KDM2B: variants seen among roughly 807,000 people sequenced by gnomAD.
KDM2B encodes the protein lysine-specific demethylase 2B.
A neutral mutation model predicts 150.0 loss-of-function variants in KDM2B; 26 were observed. The ratio of observed to expected loss-of-function variants is 0.17; its 90% CI spans 0.13 to 0.24. KDM2B has a LOEUF of 0.24. KDM2B is among the 10% of genes least tolerant of loss of function. The pLI, the probability that KDM2B is intolerant of heterozygous loss-of-function variation, is 1.00. For synonymous variants in KDM2B, 734 were observed against 729.5 expected, an observed-to-expected ratio of 1.01 and a Z score of -0.10; for missense variants, 1,265 against 1,816.9, an observed-to-expected ratio of 0.70 and a Z score of 5.52.
At chr12:121,410,839 A>C in the KDM2B span, among the ~76,000 whole-genome samples, 1 of 152,302 alleles carries the variant, frequency 6.6e-6, no homozygotes, top group South Asian at 2.1e-4. Context: ...TTCCTGTAGT[A>C]TTTGGCTGAC....
At chr12:121,508,916 A>G (rs1002555819) in intron 11 of KDM2B, among the ~76,000 whole-genome samples, 3 of 152,168 alleles carry the variant, frequency 2.0e-5, no homozygotes, top group African/African-American at 7.2e-5. Flanking sequence ...GCTTCCTGAC[A>G]AGGCTGGAGG....
At chr12:121,535,295 A>AG (rs1458350828) in intron 6 of KDM2B, among the ~76,000 whole-genome samples, 6 of 152,054 alleles carry the variant, frequency 3.9e-5, no homozygotes, top group African/African-American at 1.2e-4. Context: ...TAGAAAAGTA[A>AG]GGGGGGGTTC....
intron 12 of KDM2B, among the ~76,000 whole-genome samples, chr12:121,454,916 C>G (rs1392953204): frequency 6.6e-6 from 1 of 152,170 alleles, no homozygotes; most frequent in African/African-American, 2.4e-5. Context: ...ACACAACTCC[C>G]TGCACCCTAG....
At chr12:121,491,515 G>A (rs1039326261) in intron 12 of KDM2B, among the ~76,000 whole-genome samples, 7 of 151,878 alleles carry the variant, frequency 4.6e-5, no homozygotes, top group African/African-American at 1.2e-4. Context: ...ATTTATGACC[G>A]GGCATGGTGG....
chr12:121,551,796 G>T (rs1327096390), intron 4 of KDM2B, among the ~76,000 whole-genome samples: 1 of 151,620 alleles, frequency 6.6e-6, no homozygotes, highest in African/African-American at 2.4e-5. Flanking sequence ...CAAGTGATCC[G>T]CCCGCCTCAG....
chr12:121,527,924 T>A (rs1195901170), intron 8 of KDM2B, among the ~76,000 whole-genome samples: 1 of 152,214 alleles, frequency 6.6e-6, no homozygotes, highest in Non-Finnish European at 1.5e-5. Context: ...ATAGGCCAGG[T>A]TGAGTTGGAG....
rs137936815 is a variant in KDM2B, at chr12:121,468,517, A to C, written c.1735-15173T>G. The C allele has an allele frequency of 3.3e-5, 5 of 152,372 alleles. No homozygotes were observed. The South Asian group carries it at 8.3e-4, about 25-fold the overall frequency. The allele number at this position is 152,372 out of a possible 1,614,324, so 9.4% of individuals were successfully genotyped here. A position where few individuals can be genotyped will look rare whatever the true frequency, so the allele number is the denominator to read the frequency against. The stretch of plus-strand genomic sequence containing the variant: ...CTGTACCTGTTCAGTTTCTCCATCT[A>C]TACAAGGGGAAGGATTTACCAAGGG... On this transcript the variant is annotated intron_variant, in intron 12 of 22. Coordinates refer to ENST00000377071, the MANE Select transcript of KDM2B (RefSeq NM_032590.5). The surrounding 1 kb of genome is among the most constrained non-coding windows in gnomAD (Gnocchi z 4.0).
At chr12:121,497,868 C>T (rs1329050524) in intron 11 of KDM2B, among the ~76,000 whole-genome samples, 3 of 151,754 alleles carry the variant, frequency 2.0e-5, no homozygotes, top group African/African-American at 7.3e-5. Flanking sequence ...GAGGCCAAGG[C>T]GGGTGGATCA....
At chr12:121,486,498 A>C (rs2140173785) in intron 12 of KDM2B, among the ~76,000 whole-genome samples, 1 of 151,848 alleles carries the variant, frequency 6.6e-6, no homozygotes, top group South Asian at 2.1e-4. Flanking sequence ...AATTAATAAA[A>C]ATCACAGACC....
chr12:121,580,173 A>C, intron 1 of KDM2B: 2 of 1,347,046 alleles, frequency 1.5e-6, no homozygotes, highest in Non-Finnish European at 1.9e-6. Flanking sequence ...AGCAAGCCAG[A>C]GCCGAGATCT....
At chr12:121,505,569 T>C (rs1392200254) in intron 11 of KDM2B, among the ~76,000 whole-genome samples, 7 of 151,928 alleles carry the variant, frequency 4.6e-5, no homozygotes, top group African/African-American at 1.7e-4. Flanking sequence ...ATCACACAAA[T>C]GAAAGAACAA....
chr12:121,500,164 T>C (rs906736632), intron 11 of KDM2B, among the ~76,000 whole-genome samples: 13 of 151,932 alleles, frequency 8.6e-5, no homozygotes, highest in Non-Finnish European at 1.9e-4. Flanking sequence ...GGAGATTTCA[T>C]CTCTGAGAAA....
rs999661216 is a variant in KDM2B at position 121,549,110 on chromosome 12, A to G, written c.577-127T>C. The G allele has an allele frequency of 1.3e-5, 9 of 709,642 alleles. No individual in the cohort carries two copies. In the African/African-American group the frequency reaches 1.4e-4, roughly 11 times the overall value. The allele number at this position is 709,642 out of a possible 1,614,324, so 44.0% of individuals were successfully genotyped here. The stretch of plus-strand genomic sequence containing the variant: ...CTACTGTGGGCTCAATAGTCCCAAC[A>G]TGGGAGGAAGGAAGGGCAGGGATGA... On this transcript the variant is annotated intron_variant, in intron 5 of 22. Coordinates refer to ENST00000377071, the MANE Select transcript of KDM2B (RefSeq NM_032590.5). This position sits in a 1 kb window ranked among gnomAD's most constrained non-coding sequence, Gnocchi z 4.4.
the KDM2B span, chr12:121,420,438 T>A: frequency 3.2e-6 from 5 of 1,552,064 alleles, no homozygotes; most frequent in African/African-American, 5.5e-5. Flanking sequence ...TTTCTTCTGG[T>A]TTGAATGTAG....
intron 12 of KDM2B, among the ~76,000 whole-genome samples, chr12:121,491,148 T>C (rs192987738): frequency 5.3e-5 from 8 of 152,216 alleles, no homozygotes; most frequent in South Asian, 2.1e-4. Flanking sequence ...CCCCGCCACA[T>C]ATCACTGGTT....
chr12:121,439,844 G>T lies in KDM2B; in HGVS notation c.3829+13C>A, dbSNP rs372472880. ...GGAGTGTTAGGCAGACCCGATGGGG[G>T]CCCCTGACTCACCAGACAGGTTGAT... On this transcript the variant is annotated intron_variant, in intron 22 of 22. Coordinates refer to ENST00000377071, the MANE Select transcript of KDM2B (RefSeq NM_032590.5). 1.9e-6 allele frequency: 3 copies of T among 1,608,582 alleles called. No homozygotes were observed. In the African/African-American group the frequency reaches 4.0e-5, roughly 22 times the overall value.
chr12:121,456,224 A>G (rs1878211259), intron 12 of KDM2B, among the ~76,000 whole-genome samples: 1 of 152,152 alleles, frequency 6.6e-6, no homozygotes, highest in African/African-American at 2.4e-5. Context: ...GGGCCCACAG[A>G]CCCACTGGGA....
At chr12:121,420,352 A>G in the KDM2B span, 1 of 1,556,024 alleles carries the variant, frequency 6.4e-7, no homozygotes, top group Non-Finnish European at 8.7e-7. Flanking sequence ...CACCTATAAA[A>G]TTTGGTTTCC....
intron 13 of KDM2B, among the ~76,000 whole-genome samples, chr12:121,447,532 CGCACCCGGCAATTCCA>C (rs1876477005): frequency 6.6e-6 from 1 of 152,058 alleles, no homozygotes; most frequent in Non-Finnish European, 1.5e-5. Context: ...CGTAAACCAC[CGCACCCGGCAATTCCA>C]AGTCCTTTCT....
Sources: gnomAD v4.1 joint callset for allele counts (sites outside exome capture counted in the v4.1 genomes callset) on GRCh38, gnomAD v4.1.1 for gene constraint, Gnocchi (gnomAD v3.1) non-coding constraint, MANE v1.5 for transcripts, NCBI Gene and HGNC (gene_info 2026-07-23, HGNC 2026-07-21) for gene names.